Variants in PARP9 observed in about 807,000 individuals in gnomAD.
PARP9 encodes protein mono-ADP-ribosyltransferase PARP9.
In PARP9, 48 loss-of-function variants were observed where a neutral mutation model predicts 68.8. That is an observed-to-expected ratio of 0.70 (90% confidence interval 0.55 to 0.89). The LOEUF is 0.89. Ranked by LOEUF, PARP9 falls within the 40% of genes least tolerant of loss-of-function variation. The pLI is 0.00. For synonymous variants in PARP9, 309 were observed against 333.8 expected, an observed-to-expected ratio of 0.93 and a Z score of 0.81; for missense variants, 806 against 969.3, an observed-to-expected ratio of 0.83 and a Z score of 2.24.
chr3:122,553,246 T>C (rs2079365693), intron 4 of PARP9, among the ~76,000 whole-genome samples: 1 of 152,136 alleles, frequency 6.6e-6, no homozygotes. Context: ...ATCTCTCTCT[T>C]CAGAAATAGA....
chr3:122,531,226 A>G (rs1380062428), intron 10 of PARP9, among the ~76,000 whole-genome samples: 3 of 152,236 alleles, frequency 2.0e-5, no homozygotes, highest in African/African-American at 7.2e-5. Context: ...AAAAGTGAGT[A>G]AGATATGATC....
intron 8 of PARP9, among the ~76,000 whole-genome samples, chr3:122,539,284 A>G (rs76251487): frequency 0.023 from 3,451 of 152,260 alleles, 73 homozygotes; most frequent in South Asian, 0.097. Context: ...AGTCTGGGTT[A>G]GGTGCCTCTC....
At position 122,528,450 on chromosome 3, in the gene PARP9, G is replaced by A; in HGVS notation, c.2374C>T (p.Gln792Ter). Residue 792 changes from glutamine to a stop codon, truncating the protein, a stop_gained, in exon 11 of 11, where the codon CAG becomes TAG. Transcript: ENST00000682323. LOFTEE classifies it low-confidence loss of function (END_TRUNC). ...YLWTCTQEYV[Q>*]SQDYSSGPMR... Reference sequence around the variant, plus strand: ...GGTCCTGATGAGTAATCTTGTGACTGTACATATTCCTGGGTGCATGTCCAC... The same window carrying A: ...GGTCCTGATGAGTAATCTTGTGACTATACATATTCCTGGGTGCATGTCCAC... The A allele has an allele frequency of 6.2e-7, 1 of 1,614,166 alleles. No homozygotes were observed. The highest frequency in any genetic ancestry group is 8.5e-7 in the Non-Finnish European group (1 of 1,180,026).
intron 8 of PARP9, 31 bp downstream of exon 8, chr3:122,540,441 T>G (rs1396547446): frequency 6.2e-7 from 1 of 1,604,202 alleles, no homozygotes; most frequent in Admixed American, 1.7e-5. Flanking sequence ...TGGGGAGAAT[T>G]TACTTTCTAA....
rs1256975988 is a variant in PARP9, at chr3:122,552,516, ACTG to A, written c.1006_1008del (p.Gln336del). 6.2e-7 allele frequency: 1 copy of A among 1,614,104 alleles called. No homozygotes were observed. Among genetic ancestry groups the A allele is most frequent in the East Asian group, 2.2e-5 (1 of 44,872 alleles). ...ACCAGTACCAACTGGGACCGTTGAAACTGTTTAGCCTTTGTGGCAAGAAATTCC... is the reference window on the plus strand; with the variant it reads ...ACCAGTACCAACTGGGACCGTTGAAATTTAGCCTTTGTGGCAAGAAATTCC... On this transcript the variant is annotated inframe_deletion, in exon 5 of 11. Coordinates refer to ENST00000682323, the MANE Select transcript of PARP9 (RefSeq NM_001146105.2).
intron 3 of PARP9, among the ~76,000 whole-genome samples, chr3:122,558,168 C>A (rs2079865404): frequency 6.6e-6 from 1 of 152,248 alleles, no homozygotes; most frequent in Non-Finnish European, 1.5e-5. Flanking sequence ...GTTGGCCACC[C>A]CATCTGGTCA....
intron 10 of PARP9, chr3:122,534,139 A>C (rs376865580): frequency 8.1e-6 from 7 of 868,790 alleles, no homozygotes; most frequent in East Asian, 1.2e-4. Context: ...CAAAATCTTG[A>C]GTTGAAAGAC....
At chr3:122,540,385 T>G in intron 8 of PARP9, 87 bp downstream of exon 8, 4 of 1,480,972 alleles carry the variant, frequency 2.7e-6, no homozygotes, top group Non-Finnish European at 3.6e-6. Context: ...CTTCTGTCTC[T>G]TACCCACATC....
At chr3:122,533,533 A>G (rs73192103) in intron 10 of PARP9, 76,593 of 318,010 alleles carry the variant, frequency 0.24, 9,769 homozygotes, top group Non-Finnish European at 0.26. Flanking sequence ...AGAGGAAAAA[A>G]GAGAGAAGAT....
intron 4 of PARP9, among the ~76,000 whole-genome samples, chr3:122,555,039 T>TA (rs950363169): frequency 2.0e-5 from 3 of 151,940 alleles, no homozygotes; most frequent in African/African-American, 7.3e-5. Flanking sequence ...AAACTTAAAT[T>TA]AAAATTTTTT....
chr3:122,533,035 G>A (rs2077413827), intron 10 of PARP9: 1 of 152,168 alleles, frequency 6.6e-6, no homozygotes, highest in Non-Finnish European at 1.5e-5. Flanking sequence ...TAATTCTGGT[G>A]GTAAAGGATA....
intron 6 of PARP9, among the ~76,000 whole-genome samples, chr3:122,547,901 C>T (rs1187242602): frequency 2.0e-5 from 3 of 152,094 alleles, no homozygotes; most frequent in Non-Finnish European, 4.4e-5. Flanking sequence ...GTGATCAGGG[C>T]ACCTATCTGG....
At chr3:122,536,580 C>G (rs2077660406) in intron 9 of PARP9, 1 of 697,090 alleles carries the variant, frequency 1.4e-6, no homozygotes, top group African/African-American at 1.8e-5. Context: ...AATTCACTGA[C>G]CTAGACATAG....
In PARP9 at chr3:122,528,385, T is replaced by G. The variant is rs1479096449; in HGVS notation, c.2439A>C (p.Ala813=). 1.2e-6 allele frequency: 2 copies of G among 1,613,652 alleles called. No individual in the cohort carries two copies. Among genetic ancestry groups the G allele is most frequent in the East Asian group, 2.2e-5 (1 of 44,876 alleles). The part of the protein sequence containing the change: ...PFAQHPWRGF[A]SGSPVD ...GAGATTAATCAACAGGGCTGCCACT[T>G]GCGAATCCCCTCCAAGGATGCTGTG... is the stretch of plus-strand genomic sequence containing the variant. The change falls in exon 11 of 11, where the codon GCA becomes GCC. Residue 813 remains alanine (A), a synonymous_variant. Coordinates refer to ENST00000682323, the MANE Select transcript of PARP9 (RefSeq NM_001146105.2).
intron 8 of PARP9, among the ~76,000 whole-genome samples, chr3:122,538,087 G>C (rs986952767): frequency 6.6e-6 from 1 of 152,318 alleles, no homozygotes. Flanking sequence ...ACTCACTAGA[G>C]AGCCAAGTTG....
At chr3:122,540,927 G>A in intron 7 of PARP9, 75 bp from the exon 8 acceptor site, 4 of 1,459,092 alleles carry the variant, frequency 2.7e-6, no homozygotes, top group Non-Finnish European at 3.7e-6. Flanking sequence ...GTCTCGCTCT[G>A]TCTCACAAGC....
At chr3:122,535,915 G>T in intron 10 of PARP9, 1 of 1,358,056 alleles carries the variant, frequency 7.4e-7, no homozygotes, top group Non-Finnish European at 9.5e-7. Flanking sequence ...GAGAAAAACA[G>T]TGAACCGTAG....
intron 1 of PARP9, among the ~76,000 whole-genome samples, chr3:122,560,611 C>G (rs539642155): frequency 3.3e-5 from 5 of 152,296 alleles, no homozygotes; most frequent in African/African-American, 1.2e-4. Flanking sequence ...CGGTCTCAAT[C>G]TCCTGACCTC....
At chr3:122,534,321 T>C in intron 10 of PARP9, 2 of 984,612 alleles carry the variant, frequency 2.0e-6, no homozygotes, top group Non-Finnish European at 2.4e-6. Context: ...GGCTCCCTGA[T>C]AGGCAATGAA....
Sources: allele counts gnomAD v4.1 joint callset (sites outside exome capture counted in the v4.1 genomes callset), GRCh38; gene constraint gnomAD v4.1.1; transcripts MANE v1.5; gene names NCBI Gene and HGNC (gene_info 2026-07-23, HGNC 2026-07-21).